The following XKRX variants were observed in gnomAD, a reference collection of about 807,000 sequenced individuals.
XKRX encodes XK-related protein 2.
XKRX carries 11 observed loss-of-function variants against 22.4 expected under a neutral mutation model. The observed-to-expected ratio is 0.49, with a 90% confidence interval of 0.31 to 0.81. The LOEUF is 0.81. Among genes scored for constraint, XKRX ranks in the 40% least tolerant of loss-of-function variants. The probability of loss-of-function intolerance (pLI) is 0.05; values close to 1 mark genes in which losing one functional copy is unlikely to be tolerated. For missense variants in XKRX, 320 were observed against 336.5 expected, an observed-to-expected ratio of 0.95 and a Z score of 0.38; for synonymous variants, 114 against 132.2, an observed-to-expected ratio of 0.86 and a Z score of 0.94.
At chrX:100,889,253 A>G in the XKRX span, among the ~76,000 whole-genome samples, 39 of 108,310 alleles carry the variant, frequency 3.6e-4, no homozygotes, top group African/African-American at 1.2e-3. Flanking sequence ...AAAAAAAAAA[A>G]AAGAAAAAGA....
At chrX:100,951,939 T>G in the XKRX span, among the ~76,000 whole-genome samples, 2 of 111,484 alleles carry the variant, frequency 1.8e-5, no homozygotes, top group Admixed American at 1.9e-4. Flanking sequence ...CAGGCCCAGA[T>G]GGTTTCACTA....
the XKRX span, among the ~76,000 whole-genome samples, chrX:100,907,860 A>G: frequency 2.5e-4 from 28 of 111,435 alleles, no homozygotes; most frequent in African/African-American, 9.1e-4. Context: ...CACATCTCTT[A>G]CACTAGTTAT....
At chrX:100,942,000 A>G in the XKRX span, among the ~76,000 whole-genome samples, 2 of 109,233 alleles carry the variant, frequency 1.8e-5, no homozygotes, top group African/African-American at 6.7e-5. Flanking sequence ...GGCACACACC[A>G]CCGCACCCGG....
the XKRX span, among the ~76,000 whole-genome samples, chrX:100,941,660 T>A: frequency 1.8e-5 from 2 of 112,420 alleles, no homozygotes; most frequent in Non-Finnish European, 3.8e-5. Context: ...GATGTCCACA[T>A]GACAGAAAGT....
Position 100,914,688 on chromosome X carries a change from A to C in XKRX, c.1000T>G (p.Leu334Val), listed in dbSNP as rs2085423677. ...FSCWSALQLR[L>V]ADRDLVDKGQ... ...TTGTCGACGAGATCTCTGTCTGCCA[A>C]CCTCAACTGCAAAGCTGACCAGCAA... Residue 334 changes from leucine to valine, a missense_variant, in exon 3 of 3, where the codon TTG becomes GTG. By Grantham distance (32) the Leu-to-Val change is conservative. Coordinates refer to ENST00000372956, the MANE Select transcript of XKRX (RefSeq NM_212559.3). 2 of 1,210,039 alleles carry C rather than the reference A, an allele frequency of 1.7e-6. No individual in the cohort carries two copies. The highest frequency in any genetic ancestry group is 2.2e-6 in the Non-Finnish European group (2 of 895,361).
the XKRX span, among the ~76,000 whole-genome samples, chrX:100,905,340 A>G: frequency 1.8e-5 from 2 of 112,302 alleles, no homozygotes; most frequent in Non-Finnish European, 3.8e-5. Flanking sequence ...AAAGGCATCT[A>G]TCATAACTGG....
chrX:100,912,853 T>C (rs1028491448), downstream of XKRX, among the ~76,000 whole-genome samples: 3 of 111,595 alleles, frequency 2.7e-5, no homozygotes, highest in African/African-American at 9.8e-5. Flanking sequence ...ATTCGTCCAC[T>C]GGGGGTATAG....
the XKRX span, chrX:100,957,670 G>GT: frequency 2.4e-6 from 1 of 411,114 alleles, no homozygotes; most frequent in Non-Finnish European, 4.2e-6. Context: ...TACTTTAGCA[G>GT]TTCAACTTGA....
the XKRX span, among the ~76,000 whole-genome samples, chrX:100,952,356 G>A: frequency 9.1e-6 from 1 of 109,365 alleles, no homozygotes; most frequent in South Asian, 4.0e-4. Context: ...CATACTTAAG[G>A]TTAGGGGTGG....
At chrX:100,903,748 A>G in the XKRX span, among the ~76,000 whole-genome samples, 4 of 112,125 alleles carry the variant, frequency 3.6e-5, no homozygotes, top group African/African-American at 1.3e-4. Flanking sequence ...AGCACCCCCC[A>G]AAATAAAATA....
upstream of XKRX, among the ~76,000 whole-genome samples, chrX:100,933,902 C>G (rs922771531): frequency 2.7e-5 from 3 of 111,061 alleles, no homozygotes; most frequent in Non-Finnish European, 5.7e-5. Context: ...AACTCATATG[C>G]CATACAATTC....
At chrX:100,945,748 A>G in the XKRX span, among the ~76,000 whole-genome samples, 1 of 95,769 alleles carries the variant, frequency 1.0e-5, no homozygotes, top group African/African-American at 4.0e-5. Flanking sequence ...CAGAGGTTGC[A>G]GTGAGCCGAG....
intron 2 of XKRX, among the ~76,000 whole-genome samples, chrX:100,917,674 A>AAAAG (rs1556193930): frequency 0.017 from 423 of 25,387 alleles, 12 homozygotes; most frequent in Admixed American, 0.048. Context: ...AGAAAGAAAG[A>AAAAG]AAAGAAAGAA....
At chrX:100,922,122 C>T (rs771781931) in intron 2 of XKRX, among the ~76,000 whole-genome samples, 3 of 110,969 alleles carry the variant, frequency 2.7e-5, no homozygotes, top group Admixed American at 9.7e-5. Context: ...CTTGAACCAC[C>T]GTGCCCAGCC....
upstream of XKRX, among the ~76,000 whole-genome samples, chrX:100,932,106 C>T (rs2085523475): frequency 9.0e-6 from 1 of 111,556 alleles, no homozygotes; most frequent in South Asian, 3.8e-4. Context: ...CACCCTCACC[C>T]ACCAACTTCT....
chrX:100,910,982 G>A, downstream of XKRX: 1 of 561,864 alleles, frequency 1.8e-6, no homozygotes, highest in Non-Finnish European at 3.3e-6. Context: ...CTATCTGCTG[G>A]ACAGAGAGGC....
the XKRX span, among the ~76,000 whole-genome samples, chrX:100,891,912 T>TA: frequency 4.5e-5 from 5 of 111,458 alleles, no homozygotes; most frequent in Non-Finnish European, 9.4e-5. Context: ...ATTAAATACT[T>TA]AAACATAAGG....
chrX:100,943,274 A>G, the XKRX span, among the ~76,000 whole-genome samples: 1 of 112,443 alleles, frequency 8.9e-6, no homozygotes, highest in Admixed American at 9.5e-5. Context: ...AATATAACCT[A>G]TAACATAATA....
rs762370114 is a variant in XKRX at position 100,924,127 on chromosome X, C to T, written c.336-1066G>A. ...TCAGCTTCCCAAAGTGCTGAGATTACAGGCATGAGCCACTGCGCCTGGCCA... is the reference window on the plus strand; with the variant it reads ...TCAGCTTCCCAAAGTGCTGAGATTATAGGCATGAGCCACTGCGCCTGGCCA... On this transcript the variant is annotated intron_variant, in intron 1 of 2. Coordinates refer to ENST00000372956, the MANE Select transcript of XKRX (RefSeq NM_212559.3). 2.3e-4 allele frequency among the ~76,000 whole-genome samples: 25 copies of T among 107,674 alleles called. 1 individual carries two copies. The East Asian group carries it at 6.1e-3, about 26-fold the overall frequency. 93.5% of individuals were successfully genotyped at this position (107,674 alleles called of 115,157 possible). A position where few individuals can be genotyped will look rare whatever the true frequency, so the allele number is the denominator to read the frequency against.
Sources: allele counts gnomAD v4.1 joint callset (sites outside exome capture counted in the v4.1 genomes callset), GRCh38; gene constraint gnomAD v4.1.1; transcripts MANE v1.5; gene names NCBI Gene and HGNC (gene_info 2026-07-23, HGNC 2026-07-21).